DENND2A: variants seen among roughly 807,000 people sequenced by gnomAD.
DENND2A encodes DENN domain-containing protein 2A.
In DENND2A, 53 loss-of-function variants were observed where a neutral mutation model predicts 105.3. That is an observed-to-expected ratio of 0.50 (90% CI 0.40 to 0.63). The LOEUF (loss-of-function observed/expected upper bound fraction) is 0.63, where lower values mean the gene tolerates loss of function less well. DENND2A is among the 30% of genes least tolerant of loss of function. The probability of loss-of-function intolerance (pLI) is 0.00; values close to 1 mark genes in which losing one functional copy is unlikely to be tolerated. For missense variants in DENND2A, 1,138 were observed against 1,279.6 expected (o/e 0.89, Z 1.69); for synonymous variants, 522 against 508.4 (o/e 1.03, Z -0.36).
At chr7:140,637,177 G>T (rs1279009028) in intron 1 of DENND2A, among the ~76,000 whole-genome samples, 19 of 150,314 alleles carry the variant, frequency 1.3e-4, no homozygotes, top group Non-Finnish European at 2.2e-4. Flanking sequence ...ATAGAGATGG[G>T]GTCTCGCCAT....
At chr7:140,628,303 T>C (rs1276403244) in intron 1 of DENND2A, among the ~76,000 whole-genome samples, 1 of 152,188 alleles carries the variant, frequency 6.6e-6, no homozygotes, top group African/African-American at 2.4e-5. Context: ...GGGTGCACAG[T>C]GACCTGTTAG....
chr7:140,639,827 C>A (rs1251692440), intron 1 of DENND2A, among the ~76,000 whole-genome samples: 1 of 152,192 alleles, frequency 6.6e-6, no homozygotes, highest in African/African-American at 2.4e-5. Context: ...TTTCCTGCTT[C>A]CTGTCCCAGG....
At chr7:140,582,046 C>A (rs1298728068) in intron 5 of DENND2A, among the ~76,000 whole-genome samples, 2 of 151,376 alleles carry the variant, frequency 1.3e-5, no homozygotes, top group Non-Finnish European at 2.9e-5. Flanking sequence ...CTTACTGCAA[C>A]CTCTGCCCCC....
At position 140,601,689 on chromosome 7, in the gene DENND2A, C is replaced by A. The variant is rs1010064300; in HGVS notation, c.709G>T (p.Gly237Cys). The A allele has an allele frequency of 3.1e-6, 5 of 1,613,896 alleles. No homozygotes were observed. Among genetic ancestry groups the A allele is most frequent in the Non-Finnish European group, 4.2e-6 (5 of 1,179,930 alleles). The change falls in exon 3 of 20, where the codon GGT becomes TGT. Residue 237 changes from glycine to cysteine, a missense_variant. Physicochemically the swap from Gly to Cys is radical, Grantham distance 159. This residue lies in a region of DENND2A where 511 missense variants were observed against 499.9 expected (regional missense o/e 1.02). Transcript: ENST00000496613. ...CGGTCCCAGGGCCTTCTGCATGAACCTTTCCTGTCCTCCACAAGCTCAGGG... is the reference window on the plus strand; with the variant it reads ...CGGTCCCAGGGCCTTCTGCATGAACATTTCCTGTCCTCCACAAGCTCAGGG... ...PTPELVEDRK[G>C]SCRRPWDRSL...
At position 140,618,035 on chromosome 7, in the gene DENND2A, G is replaced by T. The variant is rs138167325; in HGVS notation, c.-247-12229C>A. ...TACCATTCTCCAGAGGGTGAAAATA[G>T]AAGAAGTGCAATTTAGTGGCCATCT... On this transcript the variant is annotated intron_variant, in intron 1 of 19. Transcript: ENST00000496613. 2.5e-3 allele frequency among the ~76,000 whole-genome samples: 386 copies of T among 152,274 alleles called. 2 individuals are homozygous for T. The highest frequency in any genetic ancestry group is 9.0e-3 in the African/African-American group (372 of 41,558).
chr7:140,562,378 T>C (rs1310241126), intron 9 of DENND2A, among the ~76,000 whole-genome samples: 1 of 148,776 alleles, frequency 6.7e-6, no homozygotes, highest in Non-Finnish European at 1.5e-5. Context: ...AACCACTTCC[T>C]GGCTGGGGCG....
At chr7:140,549,539 C>T (rs1288203884) in intron 12 of DENND2A, among the ~76,000 whole-genome samples, 6 of 152,150 alleles carry the variant, frequency 3.9e-5, no homozygotes, top group South Asian at 2.1e-4. Flanking sequence ...AGGTGTAAGC[C>T]GCCATGCCCG....
In DENND2A at chr7:140,602,254, G is replaced by C; in HGVS notation, c.144C>G (p.Asp48Glu). 3.1e-6 allele frequency: 5 copies of C among 1,613,586 alleles called. No individual in the cohort carries two copies. The highest frequency in any genetic ancestry group is 4.2e-6 in the Non-Finnish European group (5 of 1,180,022). ...TCTTCCCTTCCCATTCTGATATCTT[G>C]TCCTTTATGTTGAGGGACTTGTGCC... ...RPRHKSLNIK[D>E]KISEWEGKKE... Residue 48 changes from aspartate to glutamate, a missense_variant, in exon 3 of 20, where the codon GAC (aspartate) becomes GAG (glutamate). Asp to Glu is a conservative substitution (Grantham distance 45). This residue lies in a region of DENND2A where 511 missense variants were observed against 499.9 expected (regional missense o/e 1.02). Coordinates refer to ENST00000496613, the MANE Select transcript of DENND2A (RefSeq NM_015689.5).
chr7:140,585,547 C>A (rs1389199403), intron 5 of DENND2A, 42 bp downstream of exon 5: 16 of 1,612,480 alleles, frequency 9.9e-6, no homozygotes, highest in African/African-American at 1.3e-5. Flanking sequence ...GGCCACCATG[C>A]TTTGGCCCCC....
chr7:140,574,062 G>T lies in DENND2A; in HGVS notation c.1246-54C>A, dbSNP rs536296377. On this transcript the variant is annotated intron_variant, in intron 5 of 19. Coordinates refer to ENST00000496613, the MANE Select transcript of DENND2A (RefSeq NM_015689.5). ...AAATGAATTCAAAGGAGACTGACCGGGGGATAACTGGTGGTGCCAGGGACG... is the reference window on the plus strand; with the variant it reads ...AAATGAATTCAAAGGAGACTGACCGTGGGATAACTGGTGGTGCCAGGGACG... The T allele has an allele frequency of 3.8e-5, 60 of 1,589,782 alleles. No individual in the cohort carries two copies. The African/African-American group carries it at 6.2e-4, about 16-fold the overall frequency.
intron 12 of DENND2A, among the ~76,000 whole-genome samples, chr7:140,554,246 G>A (rs1325556216): frequency 2.6e-5 from 4 of 151,938 alleles, no homozygotes; most frequent in Non-Finnish European, 5.9e-5. Flanking sequence ...ATGCTTTTAG[G>A]GAGTACTGCT....
At chr7:140,544,519 C>T (rs1173745163) in intron 14 of DENND2A, 99 bp downstream of exon 14, 1 of 1,500,502 alleles carries the variant, frequency 6.7e-7, no homozygotes, top group African/African-American at 1.4e-5. Flanking sequence ...CTCAGAAGGG[C>T]TTACTCTTCA....
At chr7:140,637,393 G>A (rs144143490) in intron 1 of DENND2A, among the ~76,000 whole-genome samples, 2,042 of 152,332 alleles carry the variant, frequency 0.013, 34 homozygotes, top group Non-Finnish European at 0.021. Context: ...GATTCTGCAG[G>A]TTCTCTGCCT....
chr7:140,612,251 A>AG (rs1451378730), intron 1 of DENND2A, among the ~76,000 whole-genome samples: 2 of 144,506 alleles, frequency 1.4e-5, no homozygotes, highest in African/African-American at 5.8e-5. Flanking sequence ...AAGAAAAAAA[A>AG]GGAAAAAAAA....
intron 5 of DENND2A, among the ~76,000 whole-genome samples, chr7:140,575,168 A>C (rs963453723): frequency 6.6e-6 from 1 of 152,240 alleles, no homozygotes; most frequent in African/African-American, 2.4e-5. Context: ...AAAGAAAAGC[A>C]GGCAAAATAA....
At position 140,542,485 on chromosome 7, in the gene DENND2A, T is replaced by G. The variant is rs56845124; in HGVS notation, c.2327+2133A>C. ...CTGTGAGCTGGCCTCTGTCCACCAC[T>G]GCCGGCTCATCTCTCCCTCCCCCAT... On this transcript the variant is annotated intron_variant, in intron 14 of 19. Coordinates refer to ENST00000496613, the MANE Select transcript of DENND2A (RefSeq NM_015689.5). 5.6e-3 allele frequency among the ~76,000 whole-genome samples: 844 copies of G among 151,954 alleles called. 10 individuals are homozygous for G. The highest frequency in any genetic ancestry group is 0.019 in the African/African-American group (781 of 41,442).
In DENND2A at chr7:140,518,640, G is replaced by A. The variant is rs1795743365; in HGVS notation, c.*67C>T. On this transcript the variant is annotated 3_prime_UTR_variant, in exon 20 of 20. Transcript: ENST00000496613. Reference sequence around the variant, plus strand: ...AACCTGGGACCCAGCCTTTCAGAAAGGCCACCAGGAACTGTTTTTAAAGCA... The same window carrying A: ...AACCTGGGACCCAGCCTTTCAGAAAAGCCACCAGGAACTGTTTTTAAAGCA... 1 of 1,542,644 alleles carries A rather than the reference G, an allele frequency of 6.5e-7. No homozygotes were observed. The highest frequency in any genetic ancestry group is 1.4e-5 in the African/African-American group (1 of 73,240).
chr7:140,584,000 G>A (rs1483178373), intron 5 of DENND2A, among the ~76,000 whole-genome samples: 3 of 147,566 alleles, frequency 2.0e-5, no homozygotes, highest in Non-Finnish European at 2.9e-5. Context: ...CTAGCACTTT[G>A]GGAGGCCAAG....
At chr7:140,615,532 CT>C (rs57498403) in intron 1 of DENND2A, among the ~76,000 whole-genome samples, 14,258 of 140,762 alleles carry the variant, frequency 0.1, 655 homozygotes, top group Admixed American at 0.15. Context: ...AGGAGTTCTG[CT>C]TTTTTTTTTT....
Sources: gnomAD v4.1 joint callset for allele counts (sites outside exome capture counted in the v4.1 genomes callset) on GRCh38, gnomAD v4.1.1 for gene constraint, gnomAD v4.1.1 regional missense constraint, MANE v1.5 for transcripts, NCBI Gene and HGNC (gene_info 2026-07-23, HGNC 2026-07-21) for gene names.